The following TOM1L2 variants were observed in gnomAD, a reference collection of about 807,000 sequenced individuals.
The protein encoded by TOM1L2 is TOM1-like protein 2.
In TOM1L2, 31 loss-of-function variants were observed where a neutral mutation model predicts 67.9. That is an observed-to-expected ratio of 0.46 (90% CI 0.34 to 0.62). The LOEUF (loss-of-function observed/expected upper bound fraction) is 0.62, where lower values mean the gene tolerates loss of function less well. Ranked by LOEUF, TOM1L2 falls within the 20% of genes least tolerant of loss-of-function variation. The probability of loss-of-function intolerance (pLI) is 0.01; values close to 1 mark genes in which losing one functional copy is unlikely to be tolerated. For synonymous variants in TOM1L2, 256 were observed against 254.0 expected (o/e 1.01, Z -0.07); for missense variants, 606 against 663.5 (o/e 0.91, Z 0.95).
At chr17:17,880,660 C>G (rs1379321473) in intron 6 of TOM1L2, among the ~76,000 whole-genome samples, 1 of 152,202 alleles carries the variant, frequency 6.6e-6, no homozygotes, top group Non-Finnish European at 1.5e-5. Flanking sequence ...GGAGGGAGCC[C>G]TGGAAGACTC....
intron 12 of TOM1L2, among the ~76,000 whole-genome samples, chr17:17,855,768 T>C (rs2036221198): frequency 6.6e-6 from 1 of 152,166 alleles, no homozygotes. Context: ...AGGTGTACTA[T>C]TTCCAGAGAA....
At chr17:17,913,400 G>A (rs958329990) in intron 1 of TOM1L2, among the ~76,000 whole-genome samples, 2 of 152,018 alleles carry the variant, frequency 1.3e-5, no homozygotes, top group South Asian at 2.1e-4. Flanking sequence ...AGCAGATGCC[G>A]GGCCATCCTG....
intron 1 of TOM1L2, among the ~76,000 whole-genome samples, chr17:17,928,831 T>C (rs1372880589): frequency 6.6e-6 from 1 of 152,184 alleles, no homozygotes; most frequent in Non-Finnish European, 1.5e-5. Flanking sequence ...CCACCCACAG[T>C]AGCCATTCAG....
intron 4 of TOM1L2, among the ~76,000 whole-genome samples, chr17:17,887,304 A>T (rs1448058064): frequency 6.6e-6 from 1 of 152,216 alleles, no homozygotes. Flanking sequence ...CATGATGGCA[A>T]TCTCTATTGA....
chr17:17,870,410 C>T (rs1415421442), intron 7 of TOM1L2, among the ~76,000 whole-genome samples: 1 of 152,184 alleles, frequency 6.6e-6, no homozygotes, highest in East Asian at 1.9e-4. Flanking sequence ...CGATGCCAGA[C>T]TGAGGATGCT....
chr17:17,971,956 C>A (rs974442456), intron 1 of TOM1L2, among the ~76,000 whole-genome samples: 2 of 151,380 alleles, frequency 1.3e-5, no homozygotes, highest in African/African-American at 4.9e-5. Flanking sequence ...CCCAGCCCCC[C>A]CGGGAGGTGG....
intron 7 of TOM1L2, chr17:17,871,851 G>T: frequency 1.9e-6 from 1 of 523,210 alleles, no homozygotes; most frequent in Non-Finnish European, 2.5e-6. Flanking sequence ...TGAACCAGCA[G>T]TAAGCACTTA....
chr17:17,889,340 G>T (rs917273366), intron 4 of TOM1L2, among the ~76,000 whole-genome samples: 2 of 152,212 alleles, frequency 1.3e-5, no homozygotes, highest in African/African-American at 2.4e-5. Flanking sequence ...CCATGCCTGC[G>T]AATGGCACTC....
chr17:17,948,945 G>A (rs998985133), intron 1 of TOM1L2, among the ~76,000 whole-genome samples: 16 of 152,174 alleles, frequency 1.1e-4, no homozygotes, highest in Admixed American at 4.6e-4. Flanking sequence ...GCTGCTCAGA[G>A]TAAGTATTGG....
chr17:17,857,970 C>T (rs1307425842), intron 12 of TOM1L2: 5 of 929,762 alleles, frequency 5.4e-6, no homozygotes, highest in African/African-American at 1.6e-5. Flanking sequence ...AAATGTGATG[C>T]CCTGCTCCCA....
intron 1 of TOM1L2, among the ~76,000 whole-genome samples, chr17:17,934,470 A>G (rs1399937481): frequency 6.6e-6 from 1 of 152,176 alleles, no homozygotes; most frequent in African/African-American, 2.4e-5. Flanking sequence ...AAAAAACAGT[A>G]TATACCTAGG....
At chr17:17,964,216 A>G (rs909366577) in intron 1 of TOM1L2, among the ~76,000 whole-genome samples, 1 of 152,266 alleles carries the variant, frequency 6.6e-6, no homozygotes, top group African/African-American at 2.4e-5. Flanking sequence ...AAGCCGGGTC[A>G]GCAGGAAAAG....
chr17:17,871,266 G>A (rs1017540519), intron 7 of TOM1L2, among the ~76,000 whole-genome samples: 4 of 152,152 alleles, frequency 2.6e-5, no homozygotes, highest in African/African-American at 7.2e-5. Context: ...AGCTACTTGG[G>A]AGACTGAGGC....
intron 1 of TOM1L2, among the ~76,000 whole-genome samples, chr17:17,949,881 A>G (rs1014885401): frequency 6.6e-6 from 1 of 151,536 alleles, no homozygotes; most frequent in African/African-American, 2.4e-5. Flanking sequence ...TTATTTATTT[A>G]TTTTTTTGAG....
chr17:17,875,190 G>C (rs960355569), intron 7 of TOM1L2, among the ~76,000 whole-genome samples: 1 of 151,224 alleles, frequency 6.6e-6, no homozygotes, highest in African/African-American at 2.4e-5. Context: ...CCAGGAGGCA[G>C]AGGTTCAGTA....
intron 7 of TOM1L2, among the ~76,000 whole-genome samples, chr17:17,877,986 C>T (rs1362764642): frequency 6.6e-6 from 1 of 152,172 alleles, no homozygotes; most frequent in Non-Finnish European, 1.5e-5. Context: ...TTCAACACAC[C>T]CCCTGCTGCC....
chr17:17,913,069 C>T lies in TOM1L2; in HGVS notation c.53-5538G>A, dbSNP rs28573153. On this transcript the variant is annotated intron_variant, in intron 1 of 14. Transcript: ENST00000379504. Reference sequence around the variant, plus strand: ...AGGCGTGGCAGCGGGTGCCTGCAATCGCAGGCACTCGGCAGGCTGAGGCAG... The same window carrying T: ...AGGCGTGGCAGCGGGTGCCTGCAATTGCAGGCACTCGGCAGGCTGAGGCAG... Among the ~76,000 whole-genome samples the T allele has an allele frequency of 6.6e-5, 10 of 151,626 alleles. No individual in the cohort carries two copies. In the East Asian group the frequency reaches 1.2e-3, roughly 18 times the overall value.
intron 5 of TOM1L2, among the ~76,000 whole-genome samples, chr17:17,883,101 C>T (rs769302557): frequency 7.9e-5 from 12 of 152,128 alleles, no homozygotes; most frequent in Non-Finnish European, 1.2e-4. Flanking sequence ...TGTGGCAGAC[C>T]AATGAAAGCA....
At chr17:17,951,463 T>C (rs1397672374) in intron 1 of TOM1L2, among the ~76,000 whole-genome samples, 2 of 152,290 alleles carry the variant, frequency 1.3e-5, no homozygotes, top group South Asian at 2.1e-4. Context: ...ACCAGTAAAA[T>C]GCAGGGAATT....
Sources: gnomAD v4.1 joint callset for allele counts (sites outside exome capture counted in the v4.1 genomes callset) on GRCh38, gnomAD v4.1.1 for gene constraint, MANE v1.5 for transcripts, NCBI Gene and HGNC (gene_info 2026-07-23, HGNC 2026-07-21) for gene names.